The following SEPTIN11 variants were observed in gnomAD, a reference collection of about 807,000 sequenced individuals.
SEPTIN11 encodes septin 11.
In SEPTIN11, 25 loss-of-function variants were observed where a neutral mutation model predicts 51.4. The ratio of observed to expected loss-of-function variants is 0.49; its 90% CI spans 0.35 to 0.68. SEPTIN11 has a LOEUF of 0.68. Ranked by LOEUF, SEPTIN11 falls within the 30% of genes least tolerant of loss-of-function variation. The pLI, the probability that SEPTIN11 is intolerant of heterozygous loss-of-function variation, is 0.00. For missense variants in SEPTIN11, 381 were observed against 520.8 expected (o/e 0.73, Z 2.61); for synonymous variants, 174 against 184.1 (o/e 0.95, Z 0.44).
At chr4:76,990,281 G>T (rs1219275224) in intron 1 of SEPTIN11, among the ~76,000 whole-genome samples, 3 of 152,052 alleles carry the variant, frequency 2.0e-5, no homozygotes, top group Non-Finnish European at 4.4e-5. Flanking sequence ...ACTGATTGGT[G>T]CATTTTATAA....
intron 1 of SEPTIN11, among the ~76,000 whole-genome samples, chr4:76,961,503 C>G (rs1026638768): frequency 6.6e-6 from 1 of 152,106 alleles, no homozygotes; most frequent in Admixed American, 6.5e-5. Context: ...GTCCTGATAA[C>G]CACATTATAT....
rs1437182260 is a variant in SEPTIN11 at position 77,036,176 on chromosome 4, A to G, written c.*1664A>G. Reference sequence around the variant, plus strand: ...AAAGTAAGGAAATTAGTTTCATGGAAGCCTAAACAAAGCTGGAATAGAAAC... The same window carrying G: ...AAAGTAAGGAAATTAGTTTCATGGAGGCCTAAACAAAGCTGGAATAGAAAC... On this transcript the variant is annotated 3_prime_UTR_variant, in exon 10 of 10. Coordinates refer to ENST00000264893, the MANE Select transcript of SEPTIN11 (RefSeq NM_018243.4). 7 of 987,350 alleles carry G rather than the reference A, an allele frequency of 7.1e-6. No individual in the cohort carries two copies. Among genetic ancestry groups the G allele is most frequent in the African/African-American group, 1.7e-5 (1 of 57,258 alleles). The allele number at this position is 987,350 out of a possible 1,614,324, so 61.2% of individuals were successfully genotyped here.
intron 1 of SEPTIN11, among the ~76,000 whole-genome samples, chr4:76,996,218 G>A (rs1723707185): frequency 1.3e-5 from 2 of 152,184 alleles, no homozygotes; most frequent in Non-Finnish European, 2.9e-5. Context: ...GAGATGGTCT[G>A]CTTTGGGAGA....
At chr4:77,012,079 G>A (rs1244703777) in intron 4 of SEPTIN11, among the ~76,000 whole-genome samples, 158 bp downstream of exon 4, 1 of 139,788 alleles carries the variant, frequency 7.2e-6, no homozygotes, top group Non-Finnish European at 1.5e-5. Context: ...CCTCTTGCCT[G>A]TTAGACAAAA....
chr4:76,964,298 ATTTTT>A (rs34041277), intron 1 of SEPTIN11, among the ~76,000 whole-genome samples: 315 of 133,362 alleles, frequency 2.4e-3, no homozygotes, highest in Middle Eastern at 0.016. Flanking sequence ...TTGGCCAATC[ATTTTT>A]TTTTTTTTTT....
chr4:77,015,108 T>A, intron 5 of SEPTIN11, 91 bp downstream of exon 5: 1 of 1,275,784 alleles, frequency 7.8e-7, no homozygotes, highest in Non-Finnish European at 1.1e-6. Flanking sequence ...CTGGACTGAC[T>A]AGGAACCTGA....
At chr4:76,987,008 G>A (rs1005235773) in intron 1 of SEPTIN11, among the ~76,000 whole-genome samples, 2 of 152,104 alleles carry the variant, frequency 1.3e-5, no homozygotes, top group Non-Finnish European at 2.9e-5. Flanking sequence ...TCCTCTACTG[G>A]GAGTCTTCTG....
At chr4:77,033,811 T>C (rs1207369819) in intron 9 of SEPTIN11, among the ~76,000 whole-genome samples, 1 of 152,232 alleles carries the variant, frequency 6.6e-6, no homozygotes, top group Non-Finnish European at 1.5e-5. Context: ...CACTCATCTT[T>C]TAAAAAAAAA....
chr4:76,997,062 T>C (rs1723779556), intron 2 of SEPTIN11, among the ~76,000 whole-genome samples: 1 of 151,988 alleles, frequency 6.6e-6, no homozygotes, highest in Admixed American at 6.6e-5. Context: ...TGCCATATCC[T>C]TTTTGGACTA....
intron 7 of SEPTIN11, among the ~76,000 whole-genome samples, chr4:77,027,587 C>A (rs550463118): frequency 1.3e-5 from 2 of 152,272 alleles, no homozygotes; most frequent in South Asian, 4.1e-4. Context: ...TGCCAGGGAT[C>A]GTGCAGAGTG....
chr4:77,018,931 T>C (rs1048099065), intron 5 of SEPTIN11, among the ~76,000 whole-genome samples: 3 of 152,224 alleles, frequency 2.0e-5, no homozygotes, highest in Non-Finnish European at 4.4e-5. Flanking sequence ...GTCTTAAGCT[T>C]ACTTTATAGT....
chr4:76,958,443 T>G (rs1721657123), intron 1 of SEPTIN11, among the ~76,000 whole-genome samples: 1 of 152,184 alleles, frequency 6.6e-6, no homozygotes, highest in African/African-American at 2.4e-5. Flanking sequence ...TTCCCCTGTT[T>G]CACTTTTCCC....
intron 1 of SEPTIN11, chr4:76,958,830 G>A (rs927520357): frequency 7.2e-7 from 1 of 1,395,532 alleles, no homozygotes; most frequent in Non-Finnish European, 1.0e-6. Flanking sequence ...ATAGTCAATG[G>A]CTGGTTATAT....
chr4:77,032,234 G>C (rs2109987297), intron 9 of SEPTIN11: 1 of 152,330 alleles, frequency 6.6e-6, no homozygotes, highest in South Asian at 2.1e-4. Flanking sequence ...TGTATCACCA[G>C]AGCAAGGGAG....
chr4:77,020,919 A>G (rs1725672436), intron 7 of SEPTIN11: 2 of 449,194 alleles, frequency 4.5e-6, no homozygotes, highest in African/African-American at 2.0e-5. Context: ...AGTGTAAACA[A>G]ACTGCCCAAG....
intron 6 of SEPTIN11, 139 bp downstream of exon 6, chr4:77,019,400 G>T (rs971494904): frequency 2.3e-5 from 14 of 599,320 alleles, no homozygotes; most frequent in Non-Finnish European, 1.4e-5. Context: ...CTCCACATGT[G>T]ACAATCGTGG....
intron 1 of SEPTIN11, among the ~76,000 whole-genome samples, chr4:76,961,012 C>T (rs1174774485): frequency 4.6e-5 from 7 of 152,192 alleles, no homozygotes; most frequent in Non-Finnish European, 5.9e-5. Flanking sequence ...TTGTCCTGTG[C>T]TCCATGTTGT....
chr4:77,028,593 T>G lies in SEPTIN11; in HGVS notation c.954-36T>G, dbSNP rs201289679. ...AACTGAAATTTCTTAGTATACAATT[T>G]CATGATGCTGTCCTTCGTTTGTGGA... On this transcript the variant is annotated intron_variant, in intron 7 of 9. Coordinates refer to ENST00000264893, the MANE Select transcript of SEPTIN11 (RefSeq NM_018243.4). The G allele has an allele frequency of 6.6e-5, 102 of 1,548,356 alleles. 1 individual carries two copies. The highest frequency in any genetic ancestry group is 5.1e-4 in the South Asian group (40 of 78,910).
chr4:77,016,802 C>CA (rs75809227), intron 5 of SEPTIN11, among the ~76,000 whole-genome samples: 2 of 149,644 alleles, frequency 1.3e-5, no homozygotes, highest in East Asian at 2.0e-4. Flanking sequence ...ATAAATTCTA[C>CA]AAAAAAAATT....
Sources: gnomAD v4.1 joint callset for allele counts (sites outside exome capture counted in the v4.1 genomes callset) on GRCh38, gnomAD v4.1.1 for gene constraint, MANE v1.5 for transcripts, NCBI Gene and HGNC (gene_info 2026-07-23, HGNC 2026-07-21) for gene names.